The following KDM3B variants were observed in gnomAD, a reference collection of about 807,000 sequenced individuals.
KDM3B encodes the protein lysine-specific demethylase 3B.
Under a neutral mutation model 170.0 loss-of-function variants are expected in KDM3B, and 10 were observed. That is an observed-to-expected ratio of 0.06 (90% CI 0.04 to 0.10). KDM3B has a LOEUF of 0.10. KDM3B is among the 10% of genes least tolerant of loss of function. The pLI is 1.00. For missense variants in KDM3B, 1,394 were observed against 2,195.2 expected (o/e 0.64, Z 7.29); for synonymous variants, 831 against 834.8 (o/e 1.00, Z 0.08).
chr5:138,414,527 T>A (rs977901922), intron 11 of KDM3B, among the ~76,000 whole-genome samples: 1 of 152,180 alleles, frequency 6.6e-6, no homozygotes, highest in Non-Finnish European at 1.5e-5. Context: ...GGAAGAGAAT[T>A]GACTACAAAG....
rs138924220 is a variant in KDM3B, at chr5:138,401,385, C to T, written c.3199+1373C>T. On this transcript the variant is annotated intron_variant, in intron 11 of 23. Transcript: ENST00000314358. ...CTTGCTTTACACTTTGTTATGCCTT[C>T]TGTGACTAGCCCTTTTCACTTAGTG... Among the ~76,000 whole-genome samples, 373 of 152,000 alleles carry T rather than the reference C, an allele frequency of 2.5e-3. 2 individuals are homozygous for T. Among genetic ancestry groups the T allele is most frequent in the African/African-American group, 7.9e-3 (328 of 41,482 alleles).
chr5:138,430,713 A>C (rs959850124), intron 22 of KDM3B, among the ~76,000 whole-genome samples: 4 of 152,176 alleles, frequency 2.6e-5, no homozygotes, highest in Non-Finnish European at 4.4e-5. Context: ...CAACATGGTG[A>C]AACCCCATCT....
intron 7 of KDM3B, among the ~76,000 whole-genome samples, chr5:138,387,677 A>T (rs1218122344): frequency 6.6e-6 from 1 of 152,226 alleles, no homozygotes; most frequent in Non-Finnish European, 1.5e-5. Context: ...TGCAAATTTC[A>T]CACTGTTGAT....
At position 138,391,711 on chromosome 5, in the gene KDM3B, C is replaced by T. The variant is rs757866521; in HGVS notation, c.2079C>T (p.Phe693=). 1 of 1,614,072 alleles carries T rather than the reference C, an allele frequency of 6.2e-7. No homozygotes were observed. The highest frequency in any genetic ancestry group is 1.7e-5 in the Admixed American group (1 of 60,014). The change falls in exon 8 of 24, where the codon TTC becomes TTT. Residue 693 remains phenylalanine (F), a synonymous_variant. Coordinates refer to ENST00000314358, the MANE Select transcript of KDM3B (RefSeq NM_016604.4). This position sits in a 1 kb window ranked among gnomAD's most constrained non-coding sequence, Gnocchi z 5.0. ...SASLAKKKPL[F]ITTDSSKLVS... ...CTTTAGCAAAGAAGAAACCCCTCTT[C>T]ATTACAACTGACTCCTCCAAGCTAG...
chr5:138,403,629 A>T (rs1762743096), intron 11 of KDM3B, among the ~76,000 whole-genome samples: 1 of 151,042 alleles, frequency 6.6e-6, no homozygotes, highest in African/African-American at 2.4e-5. Context: ...GTGAGCCAAG[A>T]TCGTGCCATT....
Position 138,386,547 on chromosome 5 carries a change from A to T in KDM3B, c.1306A>T (p.Ile436Phe), listed in dbSNP as rs767027988. 6.2e-7 allele frequency: 1 copy of T among 1,614,212 alleles called. No homozygotes were observed. Residue 436 changes from isoleucine (I) to phenylalanine (F), a missense_variant, in exon 7 of 24, where the codon ATC (isoleucine) becomes TTC (phenylalanine). By Grantham distance (21) the Ile-to-Phe change is conservative. Transcript: ENST00000314358. ...CAGCTCCACCCCAAACACAGTGAGGATCTCAGACACTGGCCTTGCAGCAGG... is the reference window on the plus strand; with the variant it reads ...CAGCTCCACCCCAAACACAGTGAGGTTCTCAGACACTGGCCTTGCAGCAGG... ...TASSTPNTVR[I>F]SDTGLAAGTV...
intron 11 of KDM3B, among the ~76,000 whole-genome samples, chr5:138,401,641 T>A (rs1194139911): frequency 4.6e-5 from 7 of 152,218 alleles, no homozygotes; most frequent in Non-Finnish European, 5.9e-5. Flanking sequence ...TATATACATG[T>A]AGGAGTGGAA....
intron 5 of KDM3B, 124 bp downstream of exon 5, chr5:138,379,832 G>A: frequency 1.2e-6 from 1 of 851,130 alleles, no homozygotes. Flanking sequence ...TTACTTAATA[G>A]TTGTATAACC....
At chr5:138,430,023 A>C (rs1433028809) in intron 21 of KDM3B, 58 bp downstream of exon 21, 5 of 1,599,462 alleles carry the variant, frequency 3.1e-6, no homozygotes, top group Non-Finnish European at 4.3e-6. Context: ...CGTTGCTGAG[A>C]CACCCTATCT....
intron 16 of KDM3B, 35 bp from the exon 17 acceptor site, chr5:138,425,376 A>G (rs750800636): frequency 3.7e-6 from 6 of 1,602,718 alleles, no homozygotes; most frequent in Non-Finnish European, 5.1e-6. Flanking sequence ...AGTTTTTCCT[A>G]GATTGCTCTG....
At chr5:138,419,766 C>CACACACACACATAT (rs1371751932) in intron 14 of KDM3B, among the ~76,000 whole-genome samples, 1 of 131,996 alleles carries the variant, frequency 7.6e-6, no homozygotes, top group Non-Finnish European at 1.7e-5. Context: ...CACACACACA[C>CACACACACACATAT]ATATATATGA....
chr5:138,353,491 C>T (rs1761382543), intron 1 of KDM3B, among the ~76,000 whole-genome samples: 1 of 152,146 alleles, frequency 6.6e-6, no homozygotes, highest in Non-Finnish European at 1.5e-5. Flanking sequence ...CTGGTCGGGG[C>T]TTTTTTATCT....
At chr5:138,432,799 C>G (rs1763567725) in intron 23 of KDM3B, among the ~76,000 whole-genome samples, 1 of 152,126 alleles carries the variant, frequency 6.6e-6, no homozygotes, top group African/African-American at 2.4e-5. Flanking sequence ...TTTTGGAGTG[C>G]AGTGGCGTGA....
chr5:138,376,440 C>T (rs1762000920), intron 3 of KDM3B, among the ~76,000 whole-genome samples: 1 of 151,894 alleles, frequency 6.6e-6, no homozygotes, highest in African/African-American at 2.4e-5. Context: ...CGCGGTGGCT[C>T]ACGCCTGTAA....
chr5:138,385,975 A>T, intron 6 of KDM3B, 47 bp from the exon 7 acceptor site: 1 of 1,549,564 alleles, frequency 6.5e-7, no homozygotes, highest in Non-Finnish European at 8.7e-7. Context: ...TGTGGTATTC[A>T]CAGGATGAAA....
intron 1 of KDM3B, among the ~76,000 whole-genome samples, chr5:138,366,019 T>G (rs1461824617): frequency 6.6e-6 from 1 of 151,802 alleles, no homozygotes; most frequent in African/African-American, 2.4e-5. Flanking sequence ...AATAAAATCT[T>G]TTTAAAAAAG....
intron 14 of KDM3B, among the ~76,000 whole-genome samples, chr5:138,419,728 T>TACACACACAC (rs144047213): frequency 0.029 from 3,592 of 122,032 alleles, 89 homozygotes; most frequent in East Asian, 0.099. Context: ...TACACACACA[T>TACACACACAC]ACACACACAC....
At chr5:138,410,989 T>G (rs1014646581) in intron 11 of KDM3B, among the ~76,000 whole-genome samples, 3 of 152,172 alleles carry the variant, frequency 2.0e-5, no homozygotes, top group African/African-American at 7.2e-5. Flanking sequence ...CGGTTAGGCC[T>G]CCGGATAACT....
intron 13 of KDM3B, among the ~76,000 whole-genome samples, chr5:138,418,223 G>C (rs747947471): frequency 6.6e-6 from 1 of 152,070 alleles, no homozygotes; most frequent in Middle Eastern, 3.4e-3. Context: ...GGGACTACAG[G>C]CATGCGCCAC....
Sources: allele counts gnomAD v4.1 joint callset (sites outside exome capture counted in the v4.1 genomes callset), GRCh38; gene constraint gnomAD v4.1.1; non-coding constraint Gnocchi (gnomAD v3.1); transcripts MANE v1.5; gene names NCBI Gene and HGNC (gene_info 2026-07-23, HGNC 2026-07-21).